Variants in ZNF362 observed in about 807,000 individuals in gnomAD.
ZNF362 encodes the protein zinc finger protein 362.
A neutral mutation model predicts 42.9 loss-of-function variants in ZNF362; 11 were observed. That is an observed-to-expected ratio of 0.26 (90% CI 0.16 to 0.42). The LOEUF (loss-of-function observed/expected upper bound fraction) is 0.42, where lower values mean the gene tolerates loss of function less well. Among genes scored for constraint, ZNF362 ranks in the 20% least tolerant of loss-of-function variants. The probability of loss-of-function intolerance (pLI) is 1.00; values close to 1 mark genes in which losing one functional copy is unlikely to be tolerated. For missense variants in ZNF362, 362 were observed against 576.2 expected (o/e 0.63, Z 3.81); for synonymous variants, 255 against 257.3 (o/e 0.99, Z 0.09).
chr1:33,195,482 T>C, the ZNF362 span: 14 of 152,204 alleles, frequency 9.2e-5, no homozygotes, highest in African/African-American at 3.4e-4. Flanking sequence ...TGAAACATCA[T>C]AGAGGATACT....
the ZNF362 span, among the ~76,000 whole-genome samples, chr1:33,189,648 T>TATATATATATATGTATATATATAC: frequency 5.2e-5 from 1 of 19,370 alleles, no homozygotes; most frequent in African/African-American, 1.0e-4. Context: ...TATATATATA[T>TATATATATATATGTATATATATAC]ATATATATAT....
chr1:33,180,543 C>T, the ZNF362 span, among the ~76,000 whole-genome samples: 1 of 152,168 alleles, frequency 6.6e-6, no homozygotes, highest in Non-Finnish European at 1.5e-5. Flanking sequence ...ACATCTGATC[C>T]GGTCTCCGCC....
the ZNF362 span, among the ~76,000 whole-genome samples, chr1:33,239,559 C>G: frequency 1.3e-5 from 2 of 152,106 alleles, no homozygotes; most frequent in Non-Finnish European, 2.9e-5. Context: ...AGGAAACTTA[C>G]AATCATGGCG....
At chr1:33,267,831 T>G (rs1009884045) in intron 1 of ZNF362, among the ~76,000 whole-genome samples, 2 of 152,204 alleles carry the variant, frequency 1.3e-5, no homozygotes, top group African/African-American at 4.8e-5. Context: ...TTTGTACATA[T>G]AACTTTTTCT....
At chr1:33,136,072 C>G in the ZNF362 span, among the ~76,000 whole-genome samples, 2 of 152,042 alleles carry the variant, frequency 1.3e-5, no homozygotes, top group Non-Finnish European at 2.9e-5. Flanking sequence ...TGCCCCCATC[C>G]CTGTTCAGTT....
the ZNF362 span, chr1:33,158,503 A>G: frequency 6.0e-6 from 4 of 665,174 alleles, no homozygotes; most frequent in Non-Finnish European, 1.1e-5. Context: ...CTCAGATTCA[A>G]GTGCCTGCTT....
At chr1:33,236,550 A>AAAAAAAAAAAAAAAAATATATATAT in the ZNF362 span, among the ~76,000 whole-genome samples, 1 of 5,970 alleles carries the variant, frequency 1.7e-4, no homozygotes, top group African/African-American at 3.9e-4. Flanking sequence ...AAAAAAAAAA[A>AAAAAAAAAAAAAAAAATATATATAT]ATATATATAT....
At chr1:33,228,647 C>G in the ZNF362 span, among the ~76,000 whole-genome samples, 1 of 152,160 alleles carries the variant, frequency 6.6e-6, no homozygotes, top group African/African-American at 2.4e-5. Context: ...ATGCCGTCAG[C>G]TCTATTCAAA....
chr1:33,243,094 TCAC>T, the ZNF362 span, among the ~76,000 whole-genome samples: 6 of 151,926 alleles, frequency 3.9e-5, no homozygotes, highest in Non-Finnish European at 5.9e-5. Context: ...TATTACCAAA[TCAC>T]CACAACTGTT....
chr1:33,207,875 A>T, the ZNF362 span, among the ~76,000 whole-genome samples: 3 of 151,800 alleles, frequency 2.0e-5, no homozygotes, highest in South Asian at 2.1e-4. Flanking sequence ...GATTGCAAAA[A>T]TTTTCTCCCA....
At chr1:33,224,721 G>C in the ZNF362 span, among the ~76,000 whole-genome samples, 2 of 152,138 alleles carry the variant, frequency 1.3e-5, no homozygotes, top group South Asian at 4.1e-4. Flanking sequence ...AGAGAAAATA[G>C]GGCAGATGCA....
chr1:33,136,646 A>G, the ZNF362 span, among the ~76,000 whole-genome samples: 1 of 151,478 alleles, frequency 6.6e-6, no homozygotes, highest in Non-Finnish European at 1.5e-5. Flanking sequence ...CTGGGATTAC[A>G]GGCCTGAGCC....
chr1:33,264,813 CAAA>C (rs1645854678), intron 1 of ZNF362, among the ~76,000 whole-genome samples: 1 of 152,062 alleles, frequency 6.6e-6, no homozygotes. Context: ...TGACCCCAAA[CAAA>C]GAAGTGATGA....
the ZNF362 span, among the ~76,000 whole-genome samples, chr1:33,241,301 C>T: frequency 6.6e-6 from 1 of 152,042 alleles, no homozygotes; most frequent in African/African-American, 2.4e-5. Flanking sequence ...TTGAAACCAG[C>T]CTGGCCAACA....
At chr1:33,216,084 T>G in the ZNF362 span, among the ~76,000 whole-genome samples, 1 of 143,530 alleles carries the variant, frequency 7.0e-6, no homozygotes, top group Non-Finnish European at 1.5e-5. Context: ...ATACTGAAAG[T>G]GAAATGTAAG....
chr1:33,138,209 G>T, the ZNF362 span, among the ~76,000 whole-genome samples: 2 of 152,150 alleles, frequency 1.3e-5, no homozygotes, highest in Non-Finnish European at 2.9e-5. Flanking sequence ...CAGAATGGGG[G>T]TTAGGAAAAG....
intron 1 of ZNF362, among the ~76,000 whole-genome samples, chr1:33,263,553 G>C (rs1042144532): frequency 2.6e-5 from 4 of 152,144 alleles, no homozygotes; most frequent in Non-Finnish European, 5.9e-5. Context: ...TGGGATTACA[G>C]GCGTGTGCCA....
the ZNF362 span, among the ~76,000 whole-genome samples, chr1:33,174,945 G>GTGTATATATATATATATATA: frequency 1.4e-5 from 2 of 141,740 alleles, no homozygotes; most frequent in African/African-American, 5.5e-5. Flanking sequence ...ATATATGTGT[G>GTGTATATATATATATATATA]TATATATATA....
the ZNF362 span, among the ~76,000 whole-genome samples, chr1:33,183,100 G>T: frequency 6.6e-6 from 1 of 152,228 alleles, no homozygotes; most frequent in East Asian, 1.9e-4. Flanking sequence ...CCCCTAAGGT[G>T]CTGTTGTCAT....
Sources: gnomAD v4.1 joint callset for allele counts (sites outside exome capture counted in the v4.1 genomes callset) on GRCh38, gnomAD v4.1.1 for gene constraint, MANE v1.5 for transcripts, NCBI Gene and HGNC (gene_info 2026-07-23, HGNC 2026-07-21) for gene names.